PLCB1: variants seen among roughly 807,000 people sequenced by gnomAD.
The protein encoded by PLCB1 is 1-phosphatidylinositol 4,5-bisphosphate phosphodiesterase beta-1.
In PLCB1, 46 loss-of-function variants were observed where a neutral mutation model predicts 161.8. That is an observed-to-expected ratio of 0.28 (90% confidence interval 0.22 to 0.36). PLCB1 has a LOEUF of 0.36. Ranked by LOEUF, PLCB1 falls within the 10% of genes least tolerant of loss-of-function variation. PLCB1 has a pLI of 1.00. For missense variants in PLCB1, 1,016 were observed against 1,472.5 expected (o/e 0.69, Z 5.07); for synonymous variants, 517 against 503.7 (o/e 1.03, Z -0.35).
chr20:8,790,323 A>G, intron 31 of PLCB1, 62 bp downstream of exon 31: 5 of 1,289,824 alleles, frequency 3.9e-6, no homozygotes, highest in Non-Finnish European at 5.5e-6. Flanking sequence ...GTAAGAGTAA[A>G]ACCTTCCTGG....
intron 31 of PLCB1, among the ~76,000 whole-genome samples, chr20:8,817,366 G>A (rs568915734): frequency 6.6e-6 from 1 of 152,136 alleles, no homozygotes; most frequent in Admixed American, 6.5e-5. Flanking sequence ...ATTGAAACTT[G>A]GTGTAGAATA....
intron 2 of PLCB1, among the ~76,000 whole-genome samples, chr20:8,367,004 T>C (rs1986731289): frequency 6.6e-6 from 1 of 152,222 alleles, no homozygotes; most frequent in Non-Finnish European, 1.5e-5. Flanking sequence ...ACGATTTCAA[T>C]TGTTGCTTGA....
At chr20:8,428,682 A>G (rs1250169036) in intron 3 of PLCB1, among the ~76,000 whole-genome samples, 1 of 152,230 alleles carries the variant, frequency 6.6e-6, no homozygotes, top group East Asian at 1.9e-4. Flanking sequence ...AGCCATGTAG[A>G]GGAATTGTGG....
chr20:8,316,078 A>G (rs191288379), intron 2 of PLCB1, among the ~76,000 whole-genome samples: 47 of 152,200 alleles, frequency 3.1e-4, no homozygotes, highest in Non-Finnish European at 2.9e-5. Flanking sequence ...TTGAATAAGC[A>G]CTTGTATGCT....
intron 2 of PLCB1, among the ~76,000 whole-genome samples, chr20:8,340,525 C>G (rs1985763157): frequency 6.6e-6 from 1 of 152,026 alleles, no homozygotes; most frequent in Non-Finnish European, 1.5e-5. Context: ...CGGGTTCACG[C>G]CATTCTCCTG....
chr20:8,729,705 CA>C (rs1980130545), intron 18 of PLCB1: 1 of 151,926 alleles, frequency 6.6e-6, no homozygotes, highest in Non-Finnish European at 1.5e-5. Flanking sequence ...GCATATTTCA[CA>C]ATTCGCTAAA....
At chr20:8,587,493 A>G (rs1161836056) in intron 3 of PLCB1, among the ~76,000 whole-genome samples, 3 of 152,204 alleles carry the variant, frequency 2.0e-5, no homozygotes, top group African/African-American at 7.2e-5. Context: ...CATTCCAAAG[A>G]GTGAAAGAAA....
At chr20:8,723,112 T>TA (rs1225338574) in intron 15 of PLCB1, among the ~76,000 whole-genome samples, 1 of 152,218 alleles carries the variant, frequency 6.6e-6, no homozygotes, top group Non-Finnish European at 1.5e-5. Context: ...TACAATTTAG[T>TA]AAAAATGAAA....
In PLCB1 at chr20:8,210,587, T is replaced by C. The variant is rs552060652; in HGVS notation, c.177+60216T>C. ...GTTACTTTTTCACATAGCAGAATCATGTAAAACTTAGAAAGGTTCAGAATA... is the reference window on the plus strand; with the variant it reads ...GTTACTTTTTCACATAGCAGAATCACGTAAAACTTAGAAAGGTTCAGAATA... On this transcript the variant is annotated intron_variant, in intron 2 of 31. Coordinates refer to ENST00000338037, the MANE Select transcript of PLCB1 (RefSeq NM_015192.4). Among the ~76,000 whole-genome samples, 3 of 152,272 alleles carry C rather than the reference T, an allele frequency of 2.0e-5. No homozygotes were observed. In the South Asian group the frequency reaches 6.2e-4, roughly 32 times the overall value.
intron 26 of PLCB1, 26 bp from the exon 27 acceptor site, chr20:8,774,513 G>A (rs201591712): frequency 3.8e-6 from 6 of 1,565,452 alleles, no homozygotes; most frequent in Non-Finnish European, 5.2e-6. Flanking sequence ...TGTCTGTTTT[G>A]TGAGTCAAAC....
At chr20:8,651,735 G>A (rs1989328606) in intron 7 of PLCB1, 2 of 446,122 alleles carry the variant, frequency 4.5e-6, no homozygotes, top group Non-Finnish European at 4.0e-6. Flanking sequence ...TCTGTAAACT[G>A]GGGGAAGTGC....
intron 3 of PLCB1, among the ~76,000 whole-genome samples, chr20:8,593,502 G>A (rs1987221525): frequency 6.6e-6 from 1 of 151,866 alleles, no homozygotes; most frequent in South Asian, 2.1e-4. Flanking sequence ...CCCCATGTAG[G>A]CTTTTATTCC....
chr20:8,427,701 T>C (rs761794255), intron 3 of PLCB1, among the ~76,000 whole-genome samples: 6 of 152,146 alleles, frequency 3.9e-5, no homozygotes, highest in Non-Finnish European at 7.4e-5. Context: ...TTTGGGATTC[T>C]TGATTGGTTG....
chr20:8,629,110 G>T (rs1478873496), intron 4 of PLCB1, among the ~76,000 whole-genome samples: 4 of 151,944 alleles, frequency 2.6e-5, no homozygotes, highest in African/African-American at 9.7e-5. Flanking sequence ...TCTCCTAGGG[G>T]ACAGACATCT....
At position 8,595,562 on chromosome 20, in the gene PLCB1, C is replaced by G. The variant is rs1240144839; in HGVS notation, c.247-32732C>G. 2.2e-5 allele frequency among the ~76,000 whole-genome samples: 3 copies of G among 134,540 alleles called. No homozygotes were observed. The East Asian group carries it at 6.6e-4, about 30-fold the overall frequency. 88.3% of individuals were successfully genotyped at this position (134,540 alleles called of 152,430 possible). A position where few individuals can be genotyped will look rare whatever the true frequency, so the allele number is the denominator to read the frequency against. ...TGTGAATAATGCCACAATAAACATACGTGTGCATGTGTCTTTATAGCAGCA... is the reference window on the plus strand; with the variant it reads ...TGTGAATAATGCCACAATAAACATAGGTGTGCATGTGTCTTTATAGCAGCA... On this transcript the variant is annotated intron_variant, in intron 3 of 31. Coordinates refer to ENST00000338037, the MANE Select transcript of PLCB1 (RefSeq NM_015192.4).
At chr20:8,802,047 T>C in intron 31 of PLCB1, 2 of 1,527,490 alleles carry the variant, frequency 1.3e-6, no homozygotes, top group South Asian at 1.1e-5. Context: ...TCCCTTTTTT[T>C]CCACACAGGG....
chr20:8,372,590 G>A (rs940389511), intron 3 of PLCB1, among the ~76,000 whole-genome samples: 1 of 152,120 alleles, frequency 6.6e-6, no homozygotes, highest in African/African-American at 2.4e-5. Context: ...AAACTAATCT[G>A]TTATTTACAT....
intron 18 of PLCB1, 90 bp downstream of exon 18, chr20:8,729,264 C>A: frequency 8.6e-7 from 1 of 1,168,322 alleles, no homozygotes. Context: ...GAGAAAATTG[C>A]CAGACTTCAC....
At chr20:8,849,449 G>A (rs1183299610) in intron 31 of PLCB1, among the ~76,000 whole-genome samples, 1 of 152,050 alleles carries the variant, frequency 6.6e-6, no homozygotes, top group Admixed American at 6.6e-5. Flanking sequence ...GCCGAGGCAG[G>A]CAGATCACCT....
Sources: allele counts gnomAD v4.1 joint callset (sites outside exome capture counted in the v4.1 genomes callset), GRCh38; gene constraint gnomAD v4.1.1; transcripts MANE v1.5; gene names NCBI Gene and HGNC (gene_info 2026-07-23, HGNC 2026-07-21).